The following TCEA1 variants were observed in gnomAD, a reference collection of about 807,000 sequenced individuals.
TCEA1 encodes the protein transcription elongation factor A1, also known as transcription elongation factor A protein 1.
A neutral mutation model predicts 43.8 loss-of-function variants in TCEA1; 21 were observed. The observed-to-expected ratio is 0.48, with a 90% confidence interval of 0.34 to 0.69. TCEA1 has a LOEUF of 0.69. TCEA1 is among the 30% of genes least tolerant of loss of function. The probability of loss-of-function intolerance (pLI) is 0.01; values close to 1 mark genes in which losing one functional copy is unlikely to be tolerated. For synonymous variants in TCEA1, 104 were observed against 117.5 expected (o/e 0.88, Z 0.75); for missense variants, 250 against 365.1 (o/e 0.68, Z 2.57).
chr8:53,970,512 C>G (rs2129297793), intron 8 of TCEA1, 49 bp from the exon 9 acceptor site: 1 of 1,031,762 alleles, frequency 9.7e-7, no homozygotes, highest in East Asian at 2.5e-5. Context: ...TATTAAAAAA[C>G]CCAACCCAAA....
chr8:53,975,867 A>C (rs1368567363), intron 8 of TCEA1, among the ~76,000 whole-genome samples: 2 of 152,194 alleles, frequency 1.3e-5, no homozygotes, highest in East Asian at 3.8e-4. Context: ...TAACTGGTTA[A>C]GTTGGGAAAT....
At chr8:54,010,515 A>G in intron 1 of TCEA1, 23 bp from the exon 2 acceptor site, 2 of 1,552,682 alleles carry the variant, frequency 1.3e-6, no homozygotes, top group South Asian at 2.4e-5. Flanking sequence ...ATAATTTCAT[A>G]TTGAATTCCC....
intron 8 of TCEA1, among the ~76,000 whole-genome samples, chr8:53,974,468 A>C (rs956850450): frequency 1.4e-5 from 2 of 142,082 alleles, no homozygotes; most frequent in Non-Finnish European, 3.0e-5. Flanking sequence ...ATATTTTATG[A>C]AGTTCAATTC....
intron 8 of TCEA1, chr8:53,972,312 G>A (rs1650480107): frequency 8.8e-6 from 4 of 452,564 alleles, no homozygotes; most frequent in Non-Finnish European, 1.7e-5. Flanking sequence ...AAATGAAGAG[G>A]AGGATGAAGA....
rs996524357 is a variant in TCEA1 at position 53,997,130 on chromosome 8, G to A, written c.232+2815C>T. 3.3e-5 allele frequency among the ~76,000 whole-genome samples: 5 copies of A among 151,864 alleles called. No individual in the cohort carries two copies. In the South Asian group the frequency reaches 6.2e-4, roughly 19 times the overall value. On this transcript the variant is annotated intron_variant, in intron 3 of 9. Transcript: ENST00000521604. ...TCACCGTGTTAGCCAGGATGGTCTC[G>A]ATCTCCTGACCTCGTGATCTGCCTG...
intron 7 of TCEA1, among the ~76,000 whole-genome samples, chr8:53,983,531 T>A (rs1803583746): frequency 6.6e-6 from 1 of 152,208 alleles, no homozygotes; most frequent in Non-Finnish European, 1.5e-5. Flanking sequence ...GGCTCACGCC[T>A]GTGATCCCAG....
intron 2 of TCEA1, among the ~76,000 whole-genome samples, chr8:54,005,654 C>T (rs558982812): frequency 5.0e-4 from 76 of 152,258 alleles, no homozygotes; most frequent in African/African-American, 1.8e-3. Flanking sequence ...AAACAACTAC[C>T]AATCCTTATA....
intron 3 of TCEA1, 43 bp from the exon 4 acceptor site, chr8:53,993,798 A>G: frequency 2.0e-6 from 3 of 1,486,636 alleles, no homozygotes. Context: ...ATTTGTAAAA[A>G]CTAAAAACTA....
chr8:54,004,411 A>AATATCC (rs1804373252), intron 2 of TCEA1, among the ~76,000 whole-genome samples: 1 of 152,258 alleles, frequency 6.6e-6, no homozygotes. Flanking sequence ...CAACATGTGA[A>AATATCC]ATATCCATGC....
intron 9 of TCEA1, 137 bp downstream of exon 9, chr8:53,970,255 A>G (rs930701439): frequency 5.4e-6 from 4 of 739,542 alleles, no homozygotes; most frequent in African/African-American, 5.2e-5. Context: ...CATTACAAGT[A>G]GTCAGGGAGT....
chr8:54,003,470 T>C lies in TCEA1; in HGVS notation c.127-3420A>G, dbSNP rs78896208. Among the ~76,000 whole-genome samples, 118 of 152,316 alleles carry C rather than the reference T, an allele frequency of 7.7e-4. No homozygotes were observed. The East Asian group carries it at 8.7e-3, about 11-fold the overall frequency. On this transcript the variant is annotated intron_variant, in intron 2 of 9. Coordinates refer to ENST00000521604, the MANE Select transcript of TCEA1 (RefSeq NM_006756.4). ...TCACAATTCCCTATAGTAACCAAGA[T>C]AGCATAGTACTGGCAAAAGGATGGA...
rs557672597 is a variant in TCEA1, at chr8:53,984,744, A to T, written c.524-227T>A. On this transcript the variant is annotated intron_variant, in intron 6 of 9. Coordinates refer to ENST00000521604, the MANE Select transcript of TCEA1 (RefSeq NM_006756.4). ...TAAAAACACAAAAAATTAACCAGGCATGGTGGCAGGTGCCTGCAGTCCCAG... is the reference window on the plus strand; with the variant it reads ...TAAAAACACAAAAAATTAACCAGGCTTGGTGGCAGGTGCCTGCAGTCCCAG... 1.9e-3 allele frequency among the ~76,000 whole-genome samples: 289 copies of T among 152,074 alleles called. 1 individual carries two copies. The highest frequency in any genetic ancestry group is 6.5e-3 in the African/African-American group (271 of 41,494).
chr8:53,994,328 G>A (rs1162651516), intron 3 of TCEA1, among the ~76,000 whole-genome samples: 1 of 152,164 alleles, frequency 6.6e-6, no homozygotes, highest in Non-Finnish European at 1.5e-5. Flanking sequence ...CCAGGCAATA[G>A]AGCCAGACCT....
chr8:54,007,315 T>G (rs1163022474), intron 2 of TCEA1, among the ~76,000 whole-genome samples: 1 of 152,176 alleles, frequency 6.6e-6, no homozygotes, highest in Non-Finnish European at 1.5e-5. Context: ...TGTAAGATAG[T>G]AATGTTCATG....
chr8:53,977,413 G>C (rs535120779), intron 8 of TCEA1, among the ~76,000 whole-genome samples: 1 of 152,192 alleles, frequency 6.6e-6, no homozygotes, highest in Non-Finnish European at 1.5e-5. Context: ...TTCAGGGAGG[G>C]AGAACGAGGT....
chr8:54,001,593 G>T (rs1160076885), intron 2 of TCEA1, among the ~76,000 whole-genome samples: 2 of 152,180 alleles, frequency 1.3e-5, no homozygotes, highest in African/African-American at 4.8e-5. Flanking sequence ...TAACTTATTA[G>T]TGTGGTTCTG....
chr8:53,993,817 C>T (rs1586013240), intron 3 of TCEA1, 62 bp from the exon 4 acceptor site: 2 of 1,290,582 alleles, frequency 1.5e-6, no homozygotes, highest in Non-Finnish European at 2.2e-6. Flanking sequence ...TAAAATACTG[C>T]GTTAACAGGC....
chr8:53,980,689 A>T (rs546692573), intron 7 of TCEA1, among the ~76,000 whole-genome samples: 2 of 152,096 alleles, frequency 1.3e-5, no homozygotes, highest in East Asian at 3.9e-4. Context: ...GGGCCTCCCT[A>T]CTCCCTGAGA....
At chr8:53,969,556 T>C (rs1014329184) in intron 9 of TCEA1, among the ~76,000 whole-genome samples, 13 of 152,170 alleles carry the variant, frequency 8.5e-5, no homozygotes, top group Non-Finnish European at 7.4e-5. Context: ...CCAGCATTTT[T>C]AGAACACCAA....
Sources: gnomAD v4.1 joint callset for allele counts (sites outside exome capture counted in the v4.1 genomes callset) on GRCh38, gnomAD v4.1.1 for gene constraint, MANE v1.5 for transcripts, NCBI Gene and HGNC (gene_info 2026-07-23, HGNC 2026-07-21) for gene names.